Variants in STAG2 observed in about 807,000 individuals in gnomAD.
STAG2 encodes STAG2 cohesin complex component.
Under a neutral mutation model 108.1 loss-of-function variants are expected in STAG2, and 14 were observed. That is an observed-to-expected ratio of 0.13 (90% CI 0.09 to 0.20). The LOEUF is 0.20. Among genes scored for constraint, STAG2 ranks in the 10% least tolerant of loss-of-function variants. STAG2 has a pLI of 1.00. For synonymous variants in STAG2, 307 were observed against 302.7 expected, an observed-to-expected ratio of 1.01 and a Z score of -0.15; for missense variants, 440 against 940.9, an observed-to-expected ratio of 0.47 and a Z score of 6.96.
chrX:124,008,282 C>T (rs1231521104), intron 1 of STAG2, among the ~76,000 whole-genome samples: 5 of 103,865 alleles, frequency 4.8e-5, no homozygotes, highest in Admixed American at 1.1e-4. Flanking sequence ...GGTGCGATCT[C>T]GGCTCACTGC....
chrX:124,015,363 A>G (rs180873107), intron 1 of STAG2, among the ~76,000 whole-genome samples: 1 of 108,093 alleles, frequency 9.3e-6, no homozygotes, highest in South Asian at 4.0e-4. Flanking sequence ...AGGGAGGACA[A>G]ATATCTTTTA....
At chrX:124,022,705 C>A (rs374620366) in intron 3 of STAG2, 34 bp downstream of exon 3, 2 of 986,215 alleles carry the variant, frequency 2.0e-6, no homozygotes, top group Non-Finnish European at 2.8e-6. Flanking sequence ...TTTTTAAATA[C>A]TTGTTTATTC....
chrX:124,044,507 G>A (rs776558830), intron 7 of STAG2, among the ~76,000 whole-genome samples: 12 of 111,352 alleles, frequency 1.1e-4, no homozygotes, highest in Non-Finnish European at 2.3e-4. Flanking sequence ...ACTTTTAGAT[G>A]TTCTATATGG....
At chrX:123,970,842 CTTACTTTATCTTAGTAACTCTATGAG>C (rs1313994241) in intron 1 of STAG2, among the ~76,000 whole-genome samples, 1 of 111,713 alleles carries the variant, frequency 9.0e-6, no homozygotes, top group Non-Finnish European at 1.9e-5. Flanking sequence ...TGTGTATTAG[CTTACTTTATCTTAGTAACTCTATGAG>C]GTAGGATGAC....
chrX:123,992,182 C>T (rs1043034173), intron 1 of STAG2, among the ~76,000 whole-genome samples: 4 of 111,326 alleles, frequency 3.6e-5, no homozygotes, highest in Non-Finnish European at 3.8e-5. Context: ...TGTCAGGTAC[C>T]ATCCATCTAG....
At chrX:124,086,439 A>G in intron 29 of STAG2, 108 bp from the exon 30 acceptor site, 1 of 545,992 alleles carries the variant, frequency 1.8e-6, no homozygotes. Context: ...AATGTCCTGT[A>G]AGGCTGAGTT....
At chrX:123,982,176 TA>T (rs768977083) in intron 1 of STAG2, among the ~76,000 whole-genome samples, 715 of 55,193 alleles carry the variant, frequency 0.013, 5 homozygotes, top group African/African-American at 0.036. Context: ...CTGTCTCTAC[TA>T]AAAAAAAAAA....
At chrX:124,002,808 CTTTCTTT>C (rs1434362486) in intron 1 of STAG2, among the ~76,000 whole-genome samples, 2 of 101,210 alleles carry the variant, frequency 2.0e-5, no homozygotes, top group African/African-American at 7.5e-5. Flanking sequence ...TTCTTTCTTT[CTTTCTTT>C]TTTTTTTTTT....
intron 30 of STAG2, among the ~76,000 whole-genome samples, chrX:124,088,615 C>CCTT (rs146788871): frequency 6.1e-5 from 5 of 82,288 alleles, no homozygotes; most frequent in African/African-American, 4.4e-5. Flanking sequence ...TATGTATAAT[C>CCTT]TTTTTTTTTT....
intron 2 of STAG2, among the ~76,000 whole-genome samples, chrX:124,021,649 T>G (rs1233203575): frequency 8.9e-6 from 1 of 112,077 alleles, no homozygotes; most frequent in Non-Finnish European, 1.9e-5. Flanking sequence ...TGATCGTAAG[T>G]TCCTTGAGGG....
chrX:124,097,270 G>T (rs1259194353), intron 34 of STAG2, among the ~76,000 whole-genome samples: 1 of 108,681 alleles, frequency 9.2e-6, no homozygotes, highest in Non-Finnish European at 1.9e-5. Flanking sequence ...AATGCTGTCA[G>T]TGCTTCAGGT....
In STAG2 at chrX:124,100,871, C is replaced by A; in HGVS notation, c.*274C>A. ...TAGTTGGCTTTTGAATCGATTATTT[C>A]ATGCTTTTTTTTAAAAAAAAAAAAA... On this transcript the variant is annotated 3_prime_UTR_variant, in exon 35 of 35. Coordinates refer to ENST00000371145, the MANE Select transcript of STAG2 (RefSeq NM_001042750.2). 1.9e-5 allele frequency: 4 copies of A among 206,339 alleles called. No homozygotes were observed. Among genetic ancestry groups the A allele is most frequent in the Non-Finnish European group, 2.6e-5 (3 of 115,488 alleles). The allele number at this position is 206,339 out of a possible 1,213,427, so 17.0% of individuals were successfully genotyped here.
chrX:124,043,012 C>CA (rs1177199650), intron 7 of STAG2, among the ~76,000 whole-genome samples: 136 of 94,352 alleles, frequency 1.4e-3, no homozygotes, highest in African/African-American at 4.4e-3. Context: ...GAGACTCCAT[C>CA]AAAAAAAAAG....
At chrX:124,028,240 C>T (rs762465898) in intron 4 of STAG2, among the ~76,000 whole-genome samples, 2 of 111,264 alleles carry the variant, frequency 1.8e-5, no homozygotes, top group South Asian at 7.6e-4. Flanking sequence ...GGGATACATT[C>T]TAAGACCCCC....
chrX:124,065,038 T>C (rs1308320271), intron 20 of STAG2, among the ~76,000 whole-genome samples: 1 of 111,942 alleles, frequency 8.9e-6, no homozygotes, highest in African/African-American at 3.2e-5. Context: ...TTTCTTGTTT[T>C]ATTAATTACT....
intron 19 of STAG2, 51 bp from the exon 20 acceptor site, chrX:124,063,797 A>C: frequency 9.0e-7 from 1 of 1,108,536 alleles, no homozygotes; most frequent in Non-Finnish European, 1.2e-6. Flanking sequence ...TAGTCACTTT[A>C]TACCTATCAT....
intron 1 of STAG2, among the ~76,000 whole-genome samples, chrX:123,992,784 C>A (rs1174651869): frequency 9.0e-6 from 1 of 111,092 alleles, no homozygotes; most frequent in African/African-American, 3.3e-5. Flanking sequence ...AAGAGATCTG[C>A]CCGCCTTGGC....
rs750280157 is a variant in STAG2 at position 124,051,751 on chromosome X, T to C, written c.1196+357T>C. 1.9e-4 allele frequency among the ~76,000 whole-genome samples: 21 copies of C among 110,587 alleles called. No individual in the cohort carries two copies. In the South Asian group the frequency reaches 3.9e-3, roughly 20 times the overall value. ...GACTACAGGCGCCCGCCACGACGCC[T>C]GGCTTATTTTTTGTATTTTTAGTAG... On this transcript the variant is annotated intron_variant, in intron 13 of 34. Transcript: ENST00000371145.
chrX:124,009,431 GTAGGTAGGTAGGTAGATAGA>G (rs1371929026), intron 1 of STAG2, among the ~76,000 whole-genome samples: 1 of 53,923 alleles, frequency 1.9e-5, no homozygotes, highest in East Asian at 5.4e-4. Context: ...AGGTAGGTAG[GTAGGTAGGTAGGTAGATAGA>G]TAGATAGATA....
Sources: allele counts gnomAD v4.1 joint callset (sites outside exome capture counted in the v4.1 genomes callset), GRCh38; gene constraint gnomAD v4.1.1; transcripts MANE v1.5; gene names NCBI Gene and HGNC (gene_info 2026-07-23, HGNC 2026-07-21).